Variants in TPO observed in about 807,000 individuals in gnomAD.
TPO encodes the protein thyroid peroxidase, also known as thyroid microsomal antigen.
A neutral mutation model predicts 96.9 loss-of-function variants in TPO; 78 were observed. That is an observed-to-expected ratio of 0.81 (90% CI 0.67 to 0.97). The LOEUF (loss-of-function observed/expected upper bound fraction) is 0.97, where lower values mean the gene tolerates loss of function less well. TPO is among the 50% of genes least tolerant of loss of function. The probability of loss-of-function intolerance (pLI) is 0.00; values close to 1 mark genes in which losing one functional copy is unlikely to be tolerated. For synonymous variants in TPO, 547 were observed against 538.0 expected (o/e 1.02, Z -0.23); for missense variants, 1,252 against 1,274.8 (o/e 0.98, Z 0.27).
chr2:1,528,624 C>G (rs557149617), intron 15 of TPO, among the ~76,000 whole-genome samples: 1 of 146,002 alleles, frequency 6.8e-6, no homozygotes, highest in South Asian at 2.3e-4. Context: ...GAAACCTCCC[C>G]AAATCCCCCC....
intron 8 of TPO, among the ~76,000 whole-genome samples, chr2:1,480,241 A>G (rs1360896250): frequency 6.6e-6 from 1 of 151,904 alleles, no homozygotes; most frequent in Non-Finnish European, 1.5e-5. Context: ...TCACTTTTGA[A>G]TTTCCTTTTG....
chr2:1,527,847 C>CAAATCCCCGTACTGTGTGCAACCTCCT (rs1558414317), intron 15 of TPO, among the ~76,000 whole-genome samples: 22 of 101,330 alleles, frequency 2.2e-4, no homozygotes, highest in African/African-American at 7.4e-4. Context: ...GCAACCTCCT[C>CAAATCCCCGTACTGTGTGCAACCTCCT]AAATCCCCCC....
chr2:1,497,041 G>A (rs1490343271), intron 13 of TPO, among the ~76,000 whole-genome samples: 3 of 152,144 alleles, frequency 2.0e-5, no homozygotes, highest in Non-Finnish European at 4.4e-5. Flanking sequence ...GTGAGTTCCA[G>A]GCAAAGTTGT....
chr2:1,536,648 C>A (rs1450926690), intron 15 of TPO, among the ~76,000 whole-genome samples: 1 of 44,560 alleles, frequency 2.2e-5, no homozygotes, highest in African/African-American at 6.7e-5. Context: ...AAATCCCCCC[C>A]CCCACTGTGT....
chr2:1,527,005 A>T (rs2125165023), intron 15 of TPO, among the ~76,000 whole-genome samples: 1 of 131,300 alleles, frequency 7.6e-6, no homozygotes, highest in East Asian at 2.6e-4. Flanking sequence ...ACCTCCTCAA[A>T]TCCCCCCCAC....
intron 1 of TPO, among the ~76,000 whole-genome samples, chr2:1,392,556 T>C (rs1469235770): frequency 6.6e-6 from 1 of 152,206 alleles, no homozygotes; most frequent in Non-Finnish European, 1.5e-5. Flanking sequence ...TTTCTATTGA[T>C]TGGAATAGTG....
chr2:1,501,567 C>T (rs976428604), intron 13 of TPO, among the ~76,000 whole-genome samples: 1 of 152,214 alleles, frequency 6.6e-6, no homozygotes, highest in South Asian at 2.1e-4. Context: ...GCCCCGTGTA[C>T]CTCTGCATGT....
rs1196781897 is a variant in TPO, at chr2:1,503,995, G to T, written c.2434G>T (p.Ala812Ser). The T allele has an allele frequency of 6.2e-7, 1 of 1,614,084 alleles. No homozygotes were observed. Among genetic ancestry groups the T allele is most frequent in the African/African-American group, 1.3e-5 (1 of 74,930 alleles). ...DGAHPPCHAS[A>S]RCRNTKGGFQ... The stretch of plus-strand genomic sequence containing the variant: ...TGCCCACCCCCCCTGCCACGCCTCT[G>T]CGAGGTGCAGAAACACCAAAGGCGG... Residue 812 changes from alanine (A) to serine (S), a missense_variant, in exon 14 of 17, where the codon GCG becomes TCG. Physicochemically the swap from Ala to Ser is moderately conservative, Grantham distance 99 (BLOSUM62 1). Transcript: ENST00000329066.
chr2:1,524,677 CCTCCCCAAATCCCCCCACTGTGTGCAAA>C (rs975418678), intron 15 of TPO, among the ~76,000 whole-genome samples: 5 of 125,986 alleles, frequency 4.0e-5, no homozygotes, highest in Admixed American at 1.6e-4. Flanking sequence ...CTGTGGGCAA[CCTCCCCAAATCCCCCCACTGTGTGCAAA>C]CTCCCCACAT....
chr2:1,396,938 T>A (rs2148367362), intron 1 of TPO, among the ~76,000 whole-genome samples: 1 of 152,346 alleles, frequency 6.6e-6, no homozygotes, highest in South Asian at 2.1e-4. Flanking sequence ...ACTCAATGTT[T>A]CTATGGTATA....
In TPO at chr2:1,433,449, A is replaced by G. The variant is rs778505800; in HGVS notation, c.191A>G (p.Lys64Arg). The part of the protein sequence containing the change: ...MYATMQRNLK[K>R]RGILSPAQLL... ...TTTATGTGCCATAGAAACCTCAAGA[A>G]AAGAGGAATCCTTTCTCCAGCTCAG... The change falls in exon 4 of 17, where the codon AAA (lysine) becomes AGA (arginine). Residue 64 changes from lysine (K) to arginine (R), a missense_variant. Physicochemically the swap from Lys to Arg is conservative, Grantham distance 26 (BLOSUM62 2). Transcript: ENST00000329066. The G allele has an allele frequency of 1.9e-6, 3 of 1,614,254 alleles. No homozygotes were observed. Among genetic ancestry groups the G allele is most frequent in the South Asian group, 2.2e-5 (2 of 91,086 alleles).
intron 15 of TPO, among the ~76,000 whole-genome samples, chr2:1,527,593 C>A (rs1344993606): frequency 1.3e-5 from 2 of 150,042 alleles, no homozygotes; most frequent in African/African-American, 5.0e-5. Context: ...CCTCACATCC[C>A]CACCACTCTG....
Position 1,413,496 on chromosome 2 carries a change from C to T in TPO, c.-51C>T, listed in dbSNP as rs28909986. ...TAAGGCGCCCATTTCAGAAGAGTTACAGCCGTGAAAATTACTCAGCAGTGC... is the reference window on the plus strand; with the variant it reads ...TAAGGCGCCCATTTCAGAAGAGTTATAGCCGTGAAAATTACTCAGCAGTGC... On this transcript the variant is annotated 5_prime_UTR_variant, in exon 1 of 17. Transcript: ENST00000329066. The T allele has an allele frequency of 6.0e-3, 1,159 of 191,640 alleles. 13 individuals are homozygous for T. The highest frequency in any genetic ancestry group is 0.026 in the African/African-American group (1,080 of 42,198). 11.9% of individuals were successfully genotyped at this position (191,640 alleles called of 1,614,324 possible).
intron 15 of TPO, among the ~76,000 whole-genome samples, chr2:1,535,416 T>TGTGTGCAACCTCCCCAAATCCCCCC (rs1679391063): frequency 1.2e-4 from 1 of 8,670 alleles, no homozygotes; most frequent in Admixed American, 1.7e-3. Context: ...CAAATCCCCC[T>TGTGTGCAACCTCCCCAAATCCCCCC]ACTGTGTGCA....
chr2:1,513,982 T>C (rs1471558056), intron 14 of TPO, among the ~76,000 whole-genome samples: 1 of 152,190 alleles, frequency 6.6e-6, no homozygotes. Context: ...TACATAGACA[T>C]AGTTTTACAT....
intron 1 of TPO, among the ~76,000 whole-genome samples, chr2:1,379,619 C>T (rs1281003707): frequency 2.0e-5 from 3 of 152,114 alleles, no homozygotes; most frequent in African/African-American, 4.8e-5. Flanking sequence ...TAAACCAGGG[C>T]GTCGGTATAG....
intron 6 of TPO, among the ~76,000 whole-genome samples, 162 bp downstream of exon 6, chr2:1,453,985 T>C (rs185020595): frequency 3.3e-5 from 5 of 152,340 alleles, no homozygotes; most frequent in Admixed American, 6.5e-5. Flanking sequence ...GTTTCTGCCC[T>C]ATGGCTTAGG....
At position 1,542,770 on chromosome 2, in the gene TPO, T is replaced by G; in HGVS notation, c.*296T>G. The G allele has an allele frequency of 2.9e-6, 2 of 695,096 alleles. No individual in the cohort carries two copies. The highest frequency in any genetic ancestry group is 2.9e-5 in the Admixed American group (1 of 33,932). The allele number at this position is 695,096 out of a possible 1,614,324, so 43.1% of individuals were successfully genotyped here. A position where few individuals can be genotyped will look rare whatever the true frequency, so the allele number is the denominator to read the frequency against. ...AACCCTGGAAACACCACTCTTGCAA[T>G]CCTCCTGTCTCCACCTTCTGGCATC... On this transcript the variant is annotated 3_prime_UTR_variant, in exon 17 of 17. Coordinates refer to ENST00000329066, the MANE Select transcript of TPO (RefSeq NM_001206744.2).
intron 7 of TPO, among the ~76,000 whole-genome samples, chr2:1,475,447 G>T (rs1201024851): frequency 6.6e-6 from 1 of 150,592 alleles, no homozygotes; most frequent in African/African-American, 2.4e-5. Context: ...TTTTTGAGAC[G>T]GAATCTCGCT....
Sources: allele counts gnomAD v4.1 joint callset (sites outside exome capture counted in the v4.1 genomes callset), GRCh38; gene constraint gnomAD v4.1.1; transcripts MANE v1.5; gene names NCBI Gene and HGNC (gene_info 2026-07-23, HGNC 2026-07-21).